ITCH: variants seen among roughly 807,000 people sequenced by gnomAD.
ITCH encodes itchy E3 ubiquitin protein ligase.
In ITCH, 28 loss-of-function variants were observed where a neutral mutation model predicts 126.8. The observed-to-expected ratio is 0.22, with a 90% CI of 0.16 to 0.30. The LOEUF is 0.30. Among genes scored for constraint, ITCH ranks in the 10% least tolerant of loss-of-function variants. The pLI, the probability that ITCH is intolerant of heterozygous loss-of-function variation, is 1.00. For synonymous variants in ITCH, 342 were observed against 340.0 expected (o/e 1.01, Z -0.06); for missense variants, 631 against 1,032.4 (o/e 0.61, Z 5.33).
rs2037476105 is a variant in ITCH, at chr20:34,367,878, G to A, written c.-98-1516G>A. Among the ~76,000 whole-genome samples the A allele has an allele frequency of 2.0e-5, 3 of 152,294 alleles. No individual in the cohort carries two copies. The South Asian group carries it at 6.2e-4, about 32-fold the overall frequency. On this transcript the variant is annotated intron_variant, in intron 1 of 24. Coordinates refer to ENST00000374864, the MANE Select transcript of ITCH (RefSeq NM_031483.7). ...CTGGTATTAGACTAGAAAAAGAAAA[G>A]GGAGATTTTTAGCCTATGCGTCTTG...
intron 2 of ITCH, among the ~76,000 whole-genome samples, chr20:34,370,238 A>G (rs1488719731): frequency 6.6e-6 from 1 of 152,228 alleles, no homozygotes; most frequent in Non-Finnish European, 1.5e-5. Context: ...TAATCTTGCC[A>G]GACCTCAGTT....
At chr20:34,456,176 GTGTGTGTGTATATATATATA>G (rs1477989155) in intron 12 of ITCH, among the ~76,000 whole-genome samples, 7 of 34,154 alleles carry the variant, frequency 2.0e-4, no homozygotes, top group African/African-American at 1.6e-3. Flanking sequence ...GTGTGTGTGT[GTGTGTGTGTATATATATATA>G]TATATATATA....
intron 3 of ITCH, among the ~76,000 whole-genome samples, chr20:34,406,557 T>C (rs113645189): frequency 0.031 from 4,676 of 149,196 alleles, 106 homozygotes; most frequent in Middle Eastern, 0.079. Flanking sequence ...TTTTTCGAGA[T>C]GGAGTCTTGC....
chr20:34,364,389 C>T (rs1172551035), intron 1 of ITCH, among the ~76,000 whole-genome samples: 1 of 152,072 alleles, frequency 6.6e-6, no homozygotes, highest in African/African-American at 2.4e-5. Context: ...GAGCCAGCCA[C>T]CCACTTAGGT....
intron 2 of ITCH, among the ~76,000 whole-genome samples, chr20:34,371,279 CTTTTTT>C (rs770951963): frequency 3.4e-5 from 4 of 118,480 alleles, no homozygotes; most frequent in African/African-American, 1.4e-4. Context: ...ATCACTTCTT[CTTTTTT>C]TTTTTTTTTT....
At position 34,462,041 on chromosome 20, in the gene ITCH, A is replaced by G. The variant is rs758185373; in HGVS notation, c.1296-52A>G. The G allele has an allele frequency of 4.3e-5, 68 of 1,588,682 alleles. No individual in the cohort carries two copies. In the Middle Eastern group the frequency reaches 5.0e-4, roughly 12 times the overall value. ...GACATTTGTAGCTTCTGTACTTGGC[A>G]AACAAGCAACTCTTTAATATTTTTG... On this transcript the variant is annotated intron_variant, in intron 13 of 24. Transcript: ENST00000374864.
rs76256320 is a variant in ITCH, at chr20:34,400,238, A to C, written c.70+6357A>C. ...AGGCGTGAGCCACTGCGCCCGGCCA[A>C]AAATTTTTTTTTGTAGAAACAAGGT... On this transcript the variant is annotated intron_variant, in intron 3 of 24. Transcript: ENST00000374864. Among the ~76,000 whole-genome samples, 363 of 152,204 alleles carry C rather than the reference A, an allele frequency of 2.4e-3. 4 individuals are homozygous for C. Among genetic ancestry groups the C allele is most frequent in the African/African-American group, 8.5e-3 (354 of 41,554 alleles).
At chr20:34,473,307 A>ATT (rs146972467) in intron 16 of ITCH, among the ~76,000 whole-genome samples, 1 of 151,838 alleles carries the variant, frequency 6.6e-6, no homozygotes, top group African/African-American at 2.4e-5. Flanking sequence ...GTTAAAAGGA[A>ATT]TTTTTTTTTA....
chr20:34,391,060 A>C (rs747472257), intron 2 of ITCH, among the ~76,000 whole-genome samples: 1 of 152,174 alleles, frequency 6.6e-6, no homozygotes, highest in Non-Finnish European at 1.5e-5. Flanking sequence ...GCCTAGATTT[A>C]ATCATTTTAA....
intron 3 of ITCH, 146 bp downstream of exon 3, chr20:34,394,027 T>A: frequency 2.6e-6 from 2 of 764,562 alleles, no homozygotes; most frequent in Non-Finnish European, 4.6e-6. Context: ...AGGCCAGGAG[T>A]TTGAGACCAG....
intron 4 of ITCH, 62 bp downstream of exon 4, chr20:34,408,854 T>C: frequency 6.5e-7 from 1 of 1,534,550 alleles, no homozygotes; most frequent in Non-Finnish European, 8.9e-7. Context: ...AAATACAATT[T>C]AAAAAAATGT....
intron 3 of ITCH, among the ~76,000 whole-genome samples, chr20:34,399,624 C>T (rs1343405080): frequency 4.0e-5 from 6 of 151,678 alleles, no homozygotes; most frequent in South Asian, 2.1e-4. Context: ...GCAGATCATC[C>T]GAGGTCAGGA....
chr20:34,401,930 T>G (rs1216029746), intron 3 of ITCH, among the ~76,000 whole-genome samples: 3 of 152,102 alleles, frequency 2.0e-5, no homozygotes, highest in African/African-American at 7.2e-5. Flanking sequence ...TTTCTGACAA[T>G]ATACAATTAC....
At chr20:34,487,679 C>G (rs879422988) in intron 20 of ITCH, among the ~76,000 whole-genome samples, 4 of 152,112 alleles carry the variant, frequency 2.6e-5, no homozygotes, top group Admixed American at 2.6e-4. Context: ...TGGCTCACAC[C>G]TGTAATTCCA....
chr20:34,423,004 A>G (rs1367962639), intron 6 of ITCH, among the ~76,000 whole-genome samples: 2 of 152,228 alleles, frequency 1.3e-5, no homozygotes, highest in Non-Finnish European at 2.9e-5. Context: ...CATGTTGGCC[A>G]GGCTGGTCTC....
At position 34,475,538 on chromosome 20, in the gene ITCH, G is replaced by A. The variant is rs936742505; in HGVS notation, c.1570-2234G>A. ...GGCGTGGCGGCGCGTGCCTGCAATC[G>A]TAGGCACTGGGCAGGCTGAGGCAGG... On this transcript the variant is annotated intron_variant, in intron 16 of 24. Coordinates refer to ENST00000374864, the MANE Select transcript of ITCH (RefSeq NM_031483.7). Among the ~76,000 whole-genome samples the A allele has an allele frequency of 2.6e-5, 4 of 152,140 alleles. No individual in the cohort carries two copies. The South Asian group carries it at 6.2e-4, about 24-fold the overall frequency.
chr20:34,451,707 G>A (rs1985267256), intron 12 of ITCH, among the ~76,000 whole-genome samples: 1 of 152,052 alleles, frequency 6.6e-6, no homozygotes, highest in Admixed American at 6.6e-5. Flanking sequence ...TATGTCTTAT[G>A]TTAGAGAAGG....
chr20:34,435,157 G>A (rs1355016943), intron 7 of ITCH, among the ~76,000 whole-genome samples: 2 of 146,906 alleles, frequency 1.4e-5, no homozygotes, highest in African/African-American at 4.9e-5. Flanking sequence ...GTGATTTTTT[G>A]GTTTGTTTGT....
chr20:34,457,342 A>G (rs1344896951), intron 12 of ITCH, 48 bp from the exon 13 acceptor site: 1 of 1,183,084 alleles, frequency 8.5e-7, no homozygotes, highest in East Asian at 2.3e-5. Context: ...CAAGAAGACT[A>G]TGCCAATGCT....
Sources: gnomAD v4.1 joint callset for allele counts (sites outside exome capture counted in the v4.1 genomes callset) on GRCh38, gnomAD v4.1.1 for gene constraint, MANE v1.5 for transcripts, NCBI Gene and HGNC (gene_info 2026-07-23, HGNC 2026-07-21) for gene names.